ZFTRAF1: variants seen among roughly 807,000 people sequenced by gnomAD.
ZFTRAF1 encodes the protein zinc finger TRAF-type-containing protein 1.
the ZFTRAF1 span, among the ~76,000 whole-genome samples, chr8:144,461,620 A>C: frequency 6.6e-6 from 1 of 152,168 alleles, no homozygotes; most frequent in Non-Finnish European, 1.5e-5. Context: ...TGGCAAGTCC[A>C]GTTGGATGTG....
chr8:144,461,474 G>A, the ZFTRAF1 span, among the ~76,000 whole-genome samples: 2 of 152,310 alleles, frequency 1.3e-5, no homozygotes, highest in African/African-American at 4.8e-5. Context: ...ACAGCCCTAG[G>A]CTGCTTAAGG....
chr8:144,456,098 C>G, the ZFTRAF1 span: 1 of 151,842 alleles, frequency 6.6e-6, no homozygotes, highest in South Asian at 2.1e-4. Flanking sequence ...CCCAATAGCT[C>G]CATTCAAGTC....
At chr8:144,459,617 C>T in the ZFTRAF1 span, among the ~76,000 whole-genome samples, 1 of 152,238 alleles carries the variant, frequency 6.6e-6, no homozygotes, top group Non-Finnish European at 1.5e-5. Flanking sequence ...GCTTCCCTGC[C>T]AGCACTGGTG....
the ZFTRAF1 span, chr8:144,450,143 G>C: frequency 4.3e-5 from 22 of 516,884 alleles, 1 homozygote; most frequent in Non-Finnish European, 3.2e-5. Flanking sequence ...TCTCCTCTTC[G>C]GGTCAGCCCA....
At chr8:144,461,187 G>C in the ZFTRAF1 span, among the ~76,000 whole-genome samples, 1 of 152,188 alleles carries the variant, frequency 6.6e-6, no homozygotes. Context: ...ACCTAGACTA[G>C]CCCTACACCA....
At chr8:144,460,126 C>T in the ZFTRAF1 span, among the ~76,000 whole-genome samples, 12 of 152,214 alleles carry the variant, frequency 7.9e-5, no homozygotes, top group Non-Finnish European at 1.2e-4. Flanking sequence ...CCGAGAGCCA[C>T]CCGCCGGAGG....
chr8:144,461,551 G>A, the ZFTRAF1 span, among the ~76,000 whole-genome samples: 130 of 152,322 alleles, frequency 8.5e-4, no homozygotes, highest in South Asian at 0.013. Flanking sequence ...CTGGAGCACT[G>A]GCTGCCTAGG....
chr8:144,453,462 T>C, the ZFTRAF1 span: 1 of 1,546,282 alleles, frequency 6.5e-7, no homozygotes, highest in Non-Finnish European at 8.7e-7. Flanking sequence ...ATTAGTACAC[T>C]GCGAAGAAGG....
the ZFTRAF1 span, among the ~76,000 whole-genome samples, chr8:144,458,742 C>T: frequency 1.3e-5 from 2 of 152,196 alleles, no homozygotes; most frequent in African/African-American, 4.8e-5. Context: ...ATCCTTGTAG[C>T]AAGGAGAGAA....
At chr8:144,459,233 C>T in the ZFTRAF1 span, among the ~76,000 whole-genome samples, 3 of 152,342 alleles carry the variant, frequency 2.0e-5, no homozygotes, top group South Asian at 6.2e-4. Flanking sequence ...GAGCAGGGAG[C>T]CGGCAGGAAC....
chr8:144,450,596 C>T, the ZFTRAF1 span: 1 of 718,152 alleles, frequency 1.4e-6, no homozygotes, highest in Non-Finnish European at 2.6e-6. Context: ...CGTGACCTTG[C>T]TCTTGAGGAG....
At chr8:144,450,290 A>G in the ZFTRAF1 span, 28 of 652,820 alleles carry the variant, frequency 4.3e-5, no homozygotes, top group Non-Finnish European at 6.8e-5. Context: ...GTGATCAGAT[A>G]GTCCTGTGAA....
At chr8:144,451,520 G>C in the ZFTRAF1 span, 1 of 153,500 alleles carries the variant, frequency 6.5e-6, no homozygotes, top group Non-Finnish European at 1.4e-5. Context: ...TCTCTGGCCT[G>C]CTCGGGCCCA....
At chr8:144,462,536 G>A in the ZFTRAF1 span, 1 of 147,564 alleles carries the variant, frequency 6.8e-6, no homozygotes, top group African/African-American at 2.6e-5. Flanking sequence ...AGCCGCCGCC[G>A]CCGCCTGCCC....
chr8:144,460,291 T>A, the ZFTRAF1 span, among the ~76,000 whole-genome samples: 1 of 152,182 alleles, frequency 6.6e-6, no homozygotes, highest in Non-Finnish European at 1.5e-5. Flanking sequence ...CCTGTTCAGC[T>A]CCCTGCCTCT....
At chr8:144,452,424 C>T in the ZFTRAF1 span, 2 of 1,549,982 alleles carry the variant, frequency 1.3e-6, no homozygotes, top group African/African-American at 1.4e-5. Flanking sequence ...CATCTCCTTG[C>T]GGTGGCTCTG....
the ZFTRAF1 span, chr8:144,453,367 G>A: frequency 1.3e-6 from 2 of 1,551,168 alleles, no homozygotes; most frequent in Non-Finnish European, 8.7e-7. Flanking sequence ...ATCTCACAAC[G>A]ACAATTGGGG....
chr8:144,450,256 C>T, the ZFTRAF1 span: 19 of 619,574 alleles, frequency 3.1e-5, no homozygotes, highest in South Asian at 2.2e-4. Flanking sequence ...GTGTTGGCTT[C>T]GTTTGTTCTC....
At chr8:144,459,510 A>G in the ZFTRAF1 span, among the ~76,000 whole-genome samples, 1 of 152,270 alleles carries the variant, frequency 6.6e-6, no homozygotes, top group Non-Finnish European at 1.5e-5. Context: ...ACACCCAAGC[A>G]GGTTTCCCAG....
Sources: allele counts gnomAD v4.1 joint callset (sites outside exome capture counted in the v4.1 genomes callset), GRCh38; gene constraint gnomAD v4.1.1; transcripts MANE v1.5; gene names NCBI Gene and HGNC (gene_info 2026-07-23, HGNC 2026-07-21).